Variants in BMAL2 observed in about 807,000 individuals in gnomAD.
BMAL2 encodes basic helix-loop-helix ARNT like 2, also known as basic helix-loop-helix ARNT-like protein 2.
At chr12:27,380,820 G>A in the BMAL2 span, among the ~76,000 whole-genome samples, 1 of 151,432 alleles carries the variant, frequency 6.6e-6, no homozygotes, top group African/African-American at 2.4e-5. Context: ...ACAAGCCTGG[G>A]CAAAAAAATG....
At chr12:27,400,721 T>C in the BMAL2 span, 2 of 1,613,140 alleles carry the variant, frequency 1.2e-6, no homozygotes, top group African/African-American at 1.3e-5. Context: ...TGAAACCAAC[T>C]GAATTTATAA....
At chr12:27,360,813 A>AAAAAAAAAAACAAAAAAAC in the BMAL2 span, among the ~76,000 whole-genome samples, 32 of 149,046 alleles carry the variant, frequency 2.1e-4, 1 homozygote, top group African/African-American at 7.6e-4. Context: ...CAAAAAAAAA[A>AAAAAAAAAAACAAAAAAAC]AAAAAAAAAA....
At chr12:27,414,102 A>G in the BMAL2 span, among the ~76,000 whole-genome samples, 3 of 152,240 alleles carry the variant, frequency 2.0e-5, no homozygotes, top group African/African-American at 7.2e-5. Context: ...AGATCATTAT[A>G]TAATGATGAA....
At chr12:27,369,538 A>T in the BMAL2 span, among the ~76,000 whole-genome samples, 2 of 152,252 alleles carry the variant, frequency 1.3e-5, no homozygotes, top group Non-Finnish European at 2.9e-5. Context: ...ATGAAGTGAC[A>T]GTCTTTTTAG....
the BMAL2 span, among the ~76,000 whole-genome samples, chr12:27,411,173 C>G: frequency 6.6e-6 from 1 of 151,942 alleles, no homozygotes; most frequent in East Asian, 1.9e-4. Context: ...TATCCCCCAG[C>G]CTGGAGTGCA....
chr12:27,355,101 C>G, the BMAL2 span, among the ~76,000 whole-genome samples: 7 of 152,250 alleles, frequency 4.6e-5, no homozygotes, highest in Admixed American at 6.5e-5. Context: ...TTGCCATTTC[C>G]AGACGTTATT....
the BMAL2 span, chr12:27,402,672 C>G: frequency 6.2e-7 from 1 of 1,610,906 alleles, no homozygotes; most frequent in Admixed American, 1.7e-5. Context: ...TCTCAATCAT[C>G]AGAAGGTAAG....
chr12:27,390,707 C>G, the BMAL2 span, among the ~76,000 whole-genome samples: 3 of 152,046 alleles, frequency 2.0e-5, no homozygotes, highest in African/African-American at 7.2e-5. Context: ...CATTTGTTTT[C>G]TTATGATCCT....
the BMAL2 span, among the ~76,000 whole-genome samples, chr12:27,361,192 G>A: frequency 3.3e-5 from 5 of 152,084 alleles, no homozygotes; most frequent in Non-Finnish European, 7.4e-5. Flanking sequence ...GTAACTATGA[G>A]CCTAAACCAA....
the BMAL2 span, among the ~76,000 whole-genome samples, chr12:27,347,785 C>T: frequency 1.3e-5 from 2 of 152,130 alleles, no homozygotes; most frequent in Admixed American, 6.5e-5. Context: ...GAAGAACCAA[C>T]CTTAGTATGT....
chr12:27,361,416 C>T, the BMAL2 span, among the ~76,000 whole-genome samples: 19 of 152,086 alleles, frequency 1.2e-4, no homozygotes, highest in Non-Finnish European at 1.9e-4. Flanking sequence ...AAGGCAATCA[C>T]GATATCTTCG....
the BMAL2 span, among the ~76,000 whole-genome samples, chr12:27,403,165 T>C: frequency 1.3e-5 from 2 of 152,214 alleles, no homozygotes; most frequent in African/African-American, 4.8e-5. Context: ...AAAATAAAAA[T>C]CTTAGGAAAC....
chr12:27,398,457 G>A, the BMAL2 span, among the ~76,000 whole-genome samples: 1 of 152,112 alleles, frequency 6.6e-6, no homozygotes, highest in African/African-American at 2.4e-5. Flanking sequence ...AAGAATTATT[G>A]AGATAAGAAT....
At chr12:27,392,619 TAATC>T in the BMAL2 span, among the ~76,000 whole-genome samples, 1 of 133,920 alleles carries the variant, frequency 7.5e-6, no homozygotes, top group Non-Finnish European at 1.7e-5. Flanking sequence ...CACCTCTAAT[TAATC>T]CATCCATAAG....
At chr12:27,378,148 A>T in the BMAL2 span, among the ~76,000 whole-genome samples, 1 of 152,190 alleles carries the variant, frequency 6.6e-6, no homozygotes, top group African/African-American at 2.4e-5. Flanking sequence ...AAAATCATGT[A>T]ATTCTTGAAA....
the BMAL2 span, chr12:27,420,252 A>G: frequency 2.1e-6 from 2 of 955,144 alleles, no homozygotes; most frequent in East Asian, 2.6e-5. Context: ...TAAGATATAT[A>G]CTTTGCCTTC....
At chr12:27,400,699 G>A in the BMAL2 span, 1 of 1,613,874 alleles carries the variant, frequency 6.2e-7, no homozygotes, top group East Asian at 2.2e-5. Context: ...CAGAACAGTG[G>A]AGAGATTAAT....
At chr12:27,362,815 G>A in the BMAL2 span, among the ~76,000 whole-genome samples, 1 of 151,662 alleles carries the variant, frequency 6.6e-6, no homozygotes, top group African/African-American at 2.4e-5. Context: ...TGTTGTTGTT[G>A]TTGTTGTTTG....
At chr12:27,376,949 C>G in the BMAL2 span, among the ~76,000 whole-genome samples, 3,620 of 135,428 alleles carry the variant, frequency 0.027, 110 homozygotes, top group African/African-American at 0.08. Flanking sequence ...TGCAGTGAGC[C>G]GAAATCGCGC....
Sources: gnomAD v4.1 joint callset for allele counts (sites outside exome capture counted in the v4.1 genomes callset) on GRCh38, gnomAD v4.1.1 for gene constraint, MANE v1.5 for transcripts, NCBI Gene and HGNC (gene_info 2026-07-23, HGNC 2026-07-21) for gene names.